ROCK2: variants seen among roughly 807,000 people sequenced by gnomAD.
ROCK2 encodes rho-associated protein kinase 2.
A neutral mutation model predicts 195.1 loss-of-function variants in ROCK2; 61 were observed. The ratio of observed to expected loss-of-function variants is 0.31; its 90% CI spans 0.25 to 0.39. The LOEUF is 0.39. ROCK2 is among the 10% of genes least tolerant of loss of function. The pLI is 1.00. For missense variants in ROCK2, 1,109 were observed against 1,637.4 expected (o/e 0.68, Z 5.57); for synonymous variants, 504 against 545.5 (o/e 0.92, Z 1.06).
intron 1 of ROCK2, among the ~76,000 whole-genome samples, chr2:11,311,123 A>T (rs1208751982): frequency 6.6e-6 from 1 of 152,132 alleles, no homozygotes; most frequent in Admixed American, 6.6e-5. Flanking sequence ...TAGTACAGTG[A>T]AACACTTTTT....
intron 19 of ROCK2, 92 bp downstream of exon 19, chr2:11,208,195 A>C: frequency 1.2e-6 from 1 of 833,302 alleles, no homozygotes; most frequent in East Asian, 3.4e-5. Context: ...TATAAGAAAA[A>C]CTTTAAAATT....
Position 11,235,751 on chromosome 2 carries a change from T to C in ROCK2, c.674A>G (p.His225Arg). Residue 225 changes from histidine to arginine, a missense_variant, in exon 5 of 33, where the codon CAT becomes CGT. Physicochemically the swap from His to Arg is conservative, Grantham distance 29 (BLOSUM62 0). This residue lies in a region of ROCK2 where 253 missense variants were observed against 455.5 expected (regional missense o/e 0.56). Transcript: ENST00000315872. This position sits in a 1 kb window ranked among gnomAD's most constrained non-coding sequence, Gnocchi z 4.2. ...AAAATCTGCTAATTTTAGATGTCCATGTTTATCCAAGAGCATGTTGTCAGG... is the reference window on the plus strand; with the variant it reads ...AAAATCTGCTAATTTTAGATGTCCACGTTTATCCAAGAGCATGTTGTCAGG... ...VKPDNMLLDK[H>R]GHLKLADFGT... The C allele has an allele frequency of 1.2e-6, 2 of 1,613,768 alleles. No homozygotes were observed. The highest frequency in any genetic ancestry group is 1.7e-6 in the Non-Finnish European group (2 of 1,179,854).
Position 11,227,415 on chromosome 2 carries a change from G to C in ROCK2, c.724-17C>G, listed in dbSNP as rs191259653. ...CATGCCTGTCTGCATGAACAGGAGA[G>C]ATAAAGAAAAAACAGTTCAGTGTAA... On this transcript the variant is annotated splice_polypyrimidine_tract_variant and intron_variant, in intron 5 of 32. Transcript: ENST00000315872. 3.1e-6 allele frequency: 5 copies of C among 1,592,630 alleles called. No homozygotes were observed. In the East Asian group the frequency reaches 9.0e-5, roughly 29 times the overall value.
intron 1 of ROCK2, among the ~76,000 whole-genome samples, chr2:11,317,394 C>T (rs1261719834): frequency 1.3e-5 from 2 of 151,034 alleles, no homozygotes; most frequent in African/African-American, 4.9e-5. Flanking sequence ...TCTACCAACG[C>T]AACTGTTACA....
chr2:11,301,888 C>T (rs1667718387), intron 1 of ROCK2, among the ~76,000 whole-genome samples: 1 of 152,056 alleles, frequency 6.6e-6, no homozygotes, highest in Admixed American at 6.5e-5. Flanking sequence ...AAGTCATTCC[C>T]TCTGTATAAG....
At chr2:11,293,578 T>A (rs547336215) in intron 1 of ROCK2, among the ~76,000 whole-genome samples, 1 of 152,214 alleles carries the variant, frequency 6.6e-6, no homozygotes, top group African/African-American at 2.4e-5. Flanking sequence ...ACCAGTATTA[T>A]TAATTTTTCC....
At chr2:11,228,540 T>C (rs13393192) in intron 5 of ROCK2, among the ~76,000 whole-genome samples, 73,499 of 151,882 alleles carry the variant, frequency 0.48, 18,937 homozygotes, top group Admixed American at 0.56. Flanking sequence ...GTGTGGATTA[T>C]TACAAAGGAC....
intron 4 of ROCK2, among the ~76,000 whole-genome samples, chr2:11,237,759 T>A (rs1057509574): frequency 2.6e-5 from 4 of 152,260 alleles, no homozygotes; most frequent in African/African-American, 9.6e-5. Context: ...TTCAAAAAAA[T>A]TATTCAAGAA....
At chr2:11,302,792 T>C (rs1667747569) in intron 1 of ROCK2, among the ~76,000 whole-genome samples, 1 of 152,248 alleles carries the variant, frequency 6.6e-6, no homozygotes, top group Non-Finnish European at 1.5e-5. Flanking sequence ...TAATACTTTG[T>C]TATACTGGGT....
intron 3 of ROCK2, 85 bp from the exon 4 acceptor site, chr2:11,249,883 A>G: frequency 8.8e-7 from 1 of 1,136,088 alleles, no homozygotes; most frequent in Admixed American, 3.1e-5. Flanking sequence ...CTATTATTAA[A>G]GACTTCAGTT....
At chr2:11,189,597 A>G (rs191912256) in intron 32 of ROCK2, among the ~76,000 whole-genome samples, 15 of 152,332 alleles carry the variant, frequency 9.8e-5, no homozygotes, top group African/African-American at 3.6e-4. Flanking sequence ...CGCTTGCTAC[A>G]TAATACTTTC....
chr2:11,231,720 T>G (rs1251404925), intron 5 of ROCK2, among the ~76,000 whole-genome samples: 1 of 152,134 alleles, frequency 6.6e-6, no homozygotes. Flanking sequence ...TGATGGCAAC[T>G]GCATCCAGAA....
At chr2:11,190,365 TTAA>T (rs146491697) in intron 32 of ROCK2, among the ~76,000 whole-genome samples, 54,658 of 144,972 alleles carry the variant, frequency 0.38, 12,025 homozygotes, top group South Asian at 0.5. Context: ...CAGAAGTTTT[TTAA>T]AAAAAAAAAA....
rs768064758 is a variant in ROCK2, at chr2:11,343,973, G to C, written c.141+23C>G. 11 of 1,583,608 alleles carry C rather than the reference G, an allele frequency of 6.9e-6. No individual in the cohort carries two copies. The South Asian group carries it at 1.1e-4, about 16-fold the overall frequency. On this transcript the variant is annotated intron_variant, in intron 1 of 32. Transcript: ENST00000315872. The stretch of plus-strand genomic sequence containing the variant: ...CTGAGGTGTGAGCTGCAACGAGCAA[G>C]CTCCCAGGCCCCGGCCACCTACCAG...
At chr2:11,309,457 G>A (rs1416006388) in intron 1 of ROCK2, among the ~76,000 whole-genome samples, 1 of 152,014 alleles carries the variant, frequency 6.6e-6, no homozygotes, top group Non-Finnish European at 1.5e-5. Flanking sequence ...GCTTATACAC[G>A]ACTCCCACCC....
chr2:11,188,103 A>ATTTTTTT (rs747304783), intron 32 of ROCK2, among the ~76,000 whole-genome samples: 43 of 112,622 alleles, frequency 3.8e-4, no homozygotes, highest in African/African-American at 6.3e-4. Context: ...CTGGTATATA[A>ATTTTTTT]TTTTTTTTTT....
chr2:11,288,837 T>C (rs779981656), intron 1 of ROCK2, among the ~76,000 whole-genome samples: 1 of 152,106 alleles, frequency 6.6e-6, no homozygotes, highest in Non-Finnish European at 1.5e-5. Context: ...CTTGGGAGGC[T>C]AAGGCAGGAG....
chr2:11,226,441 A>C (rs2148084452), intron 6 of ROCK2, among the ~76,000 whole-genome samples: 1 of 152,332 alleles, frequency 6.6e-6, no homozygotes, highest in East Asian at 1.9e-4. Flanking sequence ...TGTATTTATA[A>C]TTTATTTCAC....
intron 1 of ROCK2, among the ~76,000 whole-genome samples, chr2:11,317,825 C>A (rs1435173719): frequency 6.7e-6 from 1 of 150,096 alleles, no homozygotes; most frequent in Non-Finnish European, 1.5e-5. Context: ...TCCAAGTGTT[C>A]TCATTGTTCA....
Sources: gnomAD v4.1 joint callset for allele counts (sites outside exome capture counted in the v4.1 genomes callset) on GRCh38, gnomAD v4.1.1 for gene constraint, gnomAD v4.1.1 regional missense constraint, Gnocchi (gnomAD v3.1) non-coding constraint, MANE v1.5 for transcripts, NCBI Gene and HGNC (gene_info 2026-07-23, HGNC 2026-07-21) for gene names.